FNDC3B: variants seen among roughly 807,000 people sequenced by gnomAD.
FNDC3B encodes fibronectin type III domain-containing protein 3B.
A neutral mutation model predicts 151.5 loss-of-function variants in FNDC3B; 12 were observed. The ratio of observed to expected loss-of-function variants is 0.08; its 90% CI spans 0.05 to 0.13. The LOEUF is 0.13. Among genes scored for constraint, FNDC3B ranks in the 10% least tolerant of loss-of-function variants. The pLI, the probability that FNDC3B is intolerant of heterozygous loss-of-function variation, is 1.00. For missense variants in FNDC3B, 1,214 were observed against 1,505.3 expected (o/e 0.81, Z 3.20); for synonymous variants, 528 against 549.0 (o/e 0.96, Z 0.54).
intron 11 of FNDC3B, among the ~76,000 whole-genome samples, chr3:172,326,073 C>T (rs1732328904): frequency 1.3e-5 from 2 of 152,142 alleles, no homozygotes; most frequent in African/African-American, 4.8e-5. Context: ...TGATCCACCT[C>T]CCTCAGCCTC....
chr3:172,087,337 C>T (rs1188005409), intron 1 of FNDC3B, among the ~76,000 whole-genome samples: 1 of 151,958 alleles, frequency 6.6e-6, no homozygotes, highest in African/African-American at 2.4e-5. Flanking sequence ...TCTCTGTGAG[C>T]CGTACTACTT....
chr3:172,253,083 A>T (rs1402146687), intron 6 of FNDC3B, among the ~76,000 whole-genome samples: 2 of 152,264 alleles, frequency 1.3e-5, no homozygotes, highest in Non-Finnish European at 2.9e-5. Flanking sequence ...GAGAGAATGT[A>T]TAAATTGTCC....
At chr3:172,070,367 T>G (rs780926799) in intron 1 of FNDC3B, among the ~76,000 whole-genome samples, 31 of 152,204 alleles carry the variant, frequency 2.0e-4, no homozygotes, top group South Asian at 8.3e-4. Context: ...ATAAGACCCT[T>G]GGCTATTTCC....
chr3:172,134,457 T>G, intron 3 of FNDC3B: 1 of 498,528 alleles, frequency 2.0e-6, no homozygotes, highest in Non-Finnish European at 4.0e-6. Flanking sequence ...TATTAGGTTA[T>G]TAATTGAACT....
At chr3:172,396,326 T>C (rs1334234354) in intron 25 of FNDC3B, among the ~76,000 whole-genome samples, 1 of 152,206 alleles carries the variant, frequency 6.6e-6, no homozygotes, top group Non-Finnish European at 1.5e-5. Context: ...TTATAGTGTC[T>C]ACCTCTTGGG....
intron 21 of FNDC3B, among the ~76,000 whole-genome samples, chr3:172,350,663 G>A (rs1296188317): frequency 1.3e-5 from 2 of 152,138 alleles, no homozygotes; most frequent in Admixed American, 1.3e-4. Flanking sequence ...TAACAAAGGA[G>A]TTATAAGTTT....
At chr3:172,053,100 C>G (rs532244364) in intron 1 of FNDC3B, among the ~76,000 whole-genome samples, 1 of 152,134 alleles carries the variant, frequency 6.6e-6, no homozygotes, top group Non-Finnish European at 1.5e-5. Context: ...CTGTGTGTGT[C>G]TGTGTGTATA....
At chr3:172,378,850 C>T (rs1402955381) in intron 24 of FNDC3B, among the ~76,000 whole-genome samples, 2 of 152,134 alleles carry the variant, frequency 1.3e-5, no homozygotes, top group Non-Finnish European at 2.9e-5. Context: ...TGGCGCACAG[C>T]TCTTGGTGTG....
chr3:172,290,387 A>T (rs901098901), intron 7 of FNDC3B, among the ~76,000 whole-genome samples: 1 of 152,194 alleles, frequency 6.6e-6, no homozygotes, highest in Admixed American at 6.5e-5. Flanking sequence ...GTTAGGTGCT[A>T]TGGGGACTTC....
intron 3 of FNDC3B, among the ~76,000 whole-genome samples, chr3:172,190,867 T>C (rs1724472915): frequency 6.6e-6 from 1 of 152,080 alleles, no homozygotes; most frequent in Non-Finnish European, 1.5e-5. Context: ...CGGGGTCTCT[T>C]CATTTTGGTC....
intron 2 of FNDC3B, among the ~76,000 whole-genome samples, chr3:172,123,644 T>C (rs1191994347): frequency 6.6e-6 from 1 of 152,212 alleles, no homozygotes; most frequent in Non-Finnish European, 1.5e-5. Context: ...ATGCAGCTAA[T>C]TTTTAATTTT....
chr3:172,267,460 C>T (rs1380668714), intron 6 of FNDC3B, among the ~76,000 whole-genome samples: 2 of 152,118 alleles, frequency 1.3e-5, no homozygotes, highest in Non-Finnish European at 2.9e-5. Flanking sequence ...CCAGCCTATG[C>T]ACAGTAAATT....
chr3:172,380,073 C>CT (rs776210407), intron 24 of FNDC3B, among the ~76,000 whole-genome samples: 41 of 74,022 alleles, frequency 5.5e-4, no homozygotes, highest in Non-Finnish European at 1.3e-3. Context: ...TTTTCTTCTT[C>CT]TTCTTTTTTT....
intron 4 of FNDC3B, among the ~76,000 whole-genome samples, chr3:172,231,882 T>TTTG: frequency 6.8e-6 from 1 of 146,452 alleles, no homozygotes; most frequent in Non-Finnish European, 1.5e-5. Context: ...ATTTACCGTT[T>TTTG]TTTTTTTTTT....
rs1235801301 is a variant in FNDC3B, at chr3:172,340,240, A to T, written c.1853-873A>T. Among the ~76,000 whole-genome samples the T allele has an allele frequency of 3.3e-5, 5 of 151,110 alleles. No individual in the cohort carries two copies. In the East Asian group the frequency reaches 5.8e-4, roughly 18 times the overall value. On this transcript the variant is annotated intron_variant, in intron 16 of 25. Coordinates refer to ENST00000415807, the MANE Select transcript of FNDC3B (RefSeq NM_022763.4). ...ACAAAGCGGTCAGATCACTTGGGTC[A>T]TGCCACATTTGGTCTTTAATTTGTC...
intron 3 of FNDC3B, among the ~76,000 whole-genome samples, chr3:172,181,566 C>G (rs2108654230): frequency 6.6e-6 from 1 of 152,042 alleles, no homozygotes; most frequent in Admixed American, 6.5e-5. Context: ...CGTGGTGGCT[C>G]ATGCCTGTAA....
chr3:172,124,703 A>G (rs1424955805), intron 2 of FNDC3B, among the ~76,000 whole-genome samples: 1 of 152,234 alleles, frequency 6.6e-6, no homozygotes, highest in Non-Finnish European at 1.5e-5. Context: ...TTTTAGTCTC[A>G]ATCCAATCTC....
chr3:172,186,520 G>A (rs1046866506), intron 3 of FNDC3B, among the ~76,000 whole-genome samples: 2 of 152,170 alleles, frequency 1.3e-5, no homozygotes, highest in African/African-American at 4.8e-5. Context: ...ATAAACCTGA[G>A]CTGAGGGAGA....
chr3:172,055,169 T>C (rs1399526948), intron 1 of FNDC3B, among the ~76,000 whole-genome samples: 1 of 152,198 alleles, frequency 6.6e-6, no homozygotes, highest in South Asian at 2.1e-4. Flanking sequence ...TCCTCCTTCT[T>C]TTAAAGTGAA....
Sources: gnomAD v4.1 joint callset for allele counts (sites outside exome capture counted in the v4.1 genomes callset) on GRCh38, gnomAD v4.1.1 for gene constraint, MANE v1.5 for transcripts, NCBI Gene and HGNC (gene_info 2026-07-23, HGNC 2026-07-21) for gene names.